The following PAPPA variants were observed in gnomAD, a reference collection of about 807,000 sequenced individuals.
PAPPA encodes pappalysin-1.
PAPPA carries 60 observed loss-of-function variants against 164.0 expected under a neutral mutation model. The ratio of observed to expected loss-of-function variants is 0.37; its 90% CI spans 0.30 to 0.45. The LOEUF is 0.45. Ranked by LOEUF, PAPPA falls within the 20% of genes least tolerant of loss-of-function variation. The pLI, the probability that PAPPA is intolerant of heterozygous loss-of-function variation, is 1.00. For missense variants in PAPPA, 1,782 were observed against 2,087.3 expected (o/e 0.85, Z 2.85); for synonymous variants, 875 against 814.1 (o/e 1.07, Z -1.27).
chr9:116,375,324 T>C (rs574848383), intron 19 of PAPPA, among the ~76,000 whole-genome samples: 1 of 152,332 alleles, frequency 6.6e-6, no homozygotes, highest in South Asian at 2.1e-4. Flanking sequence ...ATTGCAAGAC[T>C]GATTGGAAGA....
rs115266073 is a variant in PAPPA, at chr9:116,379,324, T to G, written c.4677+1677T>G. Among the ~76,000 whole-genome samples, 526 of 152,294 alleles carry G rather than the reference T, an allele frequency of 3.5e-3. 4 individuals carry two copies. Among genetic ancestry groups the G allele is most frequent in the African/African-American group, 0.012 (497 of 41,570 alleles). On this transcript the variant is annotated intron_variant, in intron 20 of 21. Coordinates refer to ENST00000328252, the MANE Select transcript of PAPPA (RefSeq NM_002581.5). ...ACTATCAACCTTGAATATCCAGAGGTATCCAAGATAAAGAAAGGGTTTGGG... is the reference window on the plus strand; with the variant it reads ...ACTATCAACCTTGAATATCCAGAGGGATCCAAGATAAAGAAAGGGTTTGGG...
intron 16 of PAPPA, 65 bp from the exon 17 acceptor site, chr9:116,353,557 C>A: frequency 7.0e-7 from 1 of 1,426,260 alleles, no homozygotes; most frequent in South Asian, 1.3e-5. Context: ...TGGTGGTGTT[C>A]ATGCAGGGCA....
chr9:116,333,076 A>C (rs1450812877), intron 12 of PAPPA, among the ~76,000 whole-genome samples: 2 of 152,080 alleles, frequency 1.3e-5, no homozygotes, highest in East Asian at 3.9e-4. Flanking sequence ...GGGGGAGGAC[A>C]AGGGCTGGAC....
chr9:116,174,678 T>A (rs1843811502), intron 1 of PAPPA, among the ~76,000 whole-genome samples: 1 of 152,104 alleles, frequency 6.6e-6, no homozygotes, highest in Non-Finnish European at 1.5e-5. Context: ...GATTAATTCT[T>A]TCTTTTAGAA....
At chr9:116,392,678 G>A (rs1264581729) in intron 21 of PAPPA, among the ~76,000 whole-genome samples, 1 of 152,188 alleles carries the variant, frequency 6.6e-6, no homozygotes, top group African/African-American at 2.4e-5. Context: ...GCTCTGAACA[G>A]GCAGTTCACA....
chr9:116,177,984 A>G (rs1269986805), intron 1 of PAPPA, among the ~76,000 whole-genome samples: 1 of 152,230 alleles, frequency 6.6e-6, no homozygotes, highest in East Asian at 1.9e-4. Flanking sequence ...AGCAATAAAC[A>G]TGCATCTTCA....
chr9:116,316,821 G>C (rs1460010381), intron 10 of PAPPA, among the ~76,000 whole-genome samples: 2 of 152,184 alleles, frequency 1.3e-5, no homozygotes, highest in Admixed American at 1.3e-4. Context: ...GAAAAATCAA[G>C]CTCGAGGCAA....
intron 10 of PAPPA, among the ~76,000 whole-genome samples, chr9:116,330,523 T>A (rs1285305898): frequency 6.6e-6 from 1 of 152,130 alleles, no homozygotes; most frequent in Non-Finnish European, 1.5e-5. Context: ...GTTTGAAGAA[T>A]CCTGCTTGTC....
intron 6 of PAPPA, among the ~76,000 whole-genome samples, chr9:116,228,245 T>A (rs1354911288): frequency 6.6e-6 from 1 of 152,190 alleles, no homozygotes; most frequent in African/African-American, 2.4e-5. Context: ...TCACTTGGCC[T>A]CAGAACCAGG....
chr9:116,249,612 A>G (rs1246630821), intron 7 of PAPPA, among the ~76,000 whole-genome samples: 2 of 152,194 alleles, frequency 1.3e-5, no homozygotes, highest in East Asian at 3.8e-4. Flanking sequence ...AATGTTGCCA[A>G]AACTGAAGTA....
intron 4 of PAPPA, among the ~76,000 whole-genome samples, chr9:116,218,520 C>T (rs957182512): frequency 1.7e-4 from 26 of 152,066 alleles, no homozygotes; most frequent in Admixed American, 1.3e-4. Flanking sequence ...GTCCCTAGGG[C>T]AGTTGAATAA....
At chr9:116,201,720 G>T (rs955741574) in intron 2 of PAPPA, among the ~76,000 whole-genome samples, 3 of 152,140 alleles carry the variant, frequency 2.0e-5, no homozygotes, top group African/African-American at 7.2e-5. Context: ...CAAGTGACAG[G>T]GTCAGTTGTC....
chr9:116,328,404 C>T (rs1318363921), intron 10 of PAPPA, among the ~76,000 whole-genome samples: 1 of 152,186 alleles, frequency 6.6e-6, no homozygotes, highest in East Asian at 1.9e-4. Context: ...CTATGTTCTA[C>T]CCTTAGCCTC....
At chr9:116,213,727 G>T (rs1401368062) in intron 4 of PAPPA, among the ~76,000 whole-genome samples, 5 of 151,766 alleles carry the variant, frequency 3.3e-5, no homozygotes. Context: ...TTTTTTAAAG[G>T]AACCCCTCAG....
chr9:116,222,699 GTGGGGAAAGGGACGATGT>G (rs151216125), intron 5 of PAPPA, among the ~76,000 whole-genome samples: 3,196 of 152,248 alleles, frequency 0.021, 116 homozygotes, highest in African/African-American at 0.073. Flanking sequence ...GGTGGGGTGA[GTGGGGAAAGGGACGATGT>G]TGATCAAAGG....
intron 9 of PAPPA, among the ~76,000 whole-genome samples, chr9:116,293,631 G>A (rs960234619): frequency 1.3e-5 from 2 of 152,222 alleles, no homozygotes; most frequent in Admixed American, 6.5e-5. Flanking sequence ...AGCTAGTTGG[G>A]GAAGTTAAAA....
At chr9:116,258,080 A>G (rs1844953426) in intron 7 of PAPPA, among the ~76,000 whole-genome samples, 1 of 152,040 alleles carries the variant, frequency 6.6e-6, no homozygotes, top group Non-Finnish European at 1.5e-5. Flanking sequence ...CTATAAAAGA[A>G]GACCTAAATA....
chr9:116,251,810 C>T (rs1301093313), intron 7 of PAPPA, among the ~76,000 whole-genome samples: 2 of 152,108 alleles, frequency 1.3e-5, no homozygotes, highest in Non-Finnish European at 2.9e-5. Context: ...TTCCTCTCTC[C>T]CTTCTTTAAT....
chr9:116,171,530 T>G (rs1843776139), intron 1 of PAPPA, among the ~76,000 whole-genome samples: 1 of 140,062 alleles, frequency 7.1e-6, no homozygotes, highest in African/African-American at 2.6e-5. Flanking sequence ...CAAAGCCCAG[T>G]GTTAGCAGAA....
Sources: allele counts gnomAD v4.1 joint callset (sites outside exome capture counted in the v4.1 genomes callset), GRCh38; gene constraint gnomAD v4.1.1; transcripts MANE v1.5; gene names NCBI Gene and HGNC (gene_info 2026-07-23, HGNC 2026-07-21).